Variants in AEN observed in about 807,000 individuals in gnomAD.
AEN encodes the protein apoptosis-enhancing nuclease.
In AEN, 21 loss-of-function variants were observed where a neutral mutation model predicts 17.7. That is an observed-to-expected ratio of 1.19 (90% CI 0.84 to 1.71). The LOEUF (loss-of-function observed/expected upper bound fraction) is 1.71, where lower values mean the gene tolerates loss of function less well. AEN is among the 40% of genes most tolerant of loss of function. The pLI, the probability that AEN is intolerant of heterozygous loss-of-function variation, is 0.00. For missense variants in AEN, 462 were observed against 435.9 expected (o/e 1.06, Z -0.53); for synonymous variants, 190 against 173.0 (o/e 1.10, Z -0.77).
chr15:88,613,305 C>T, the AEN span, among the ~76,000 whole-genome samples: 1 of 152,216 alleles, frequency 6.6e-6, no homozygotes, highest in African/African-American at 2.4e-5. Flanking sequence ...TCTTCTTCTG[C>T]ACTTCCAGTC....
intron 2 of AEN, chr15:88,628,129 G>C (rs1159944682): frequency 1.3e-5 from 2 of 152,162 alleles, no homozygotes; most frequent in African/African-American, 2.4e-5. Context: ...CCTGGTTGGT[G>C]GTGGTCCCAA....
At position 88,630,121 on chromosome 15, in the gene AEN, G is replaced by T; in HGVS notation, c.805G>T (p.Val269Leu). The T allele has an allele frequency of 6.2e-7, 1 of 1,613,960 alleles. No homozygotes were observed. The highest frequency in any genetic ancestry group is 1.3e-5 in the African/African-American group (1 of 75,048). The change falls in exon 4 of 4, where the codon GTG becomes TTG. Residue 269 changes from valine (V) to leucine (L), a missense_variant. Coordinates refer to ENST00000332810, the MANE Select transcript of AEN (RefSeq NM_022767.4). The surrounding 1 kb of genome is among the most constrained non-coding windows in gnomAD (Gnocchi z 5.1). ...GACAGCCATGGAGCTCTACCGGCTG[G>T]TGGAGGTGCAGTGGGAACAGCAGGA... ...ATTAMELYRL[V>L]EVQWEQQEAR...
chr15:88,618,889 C>T (rs1056130010), upstream of AEN, among the ~76,000 whole-genome samples: 2 of 152,156 alleles, frequency 1.3e-5, no homozygotes, highest in African/African-American at 2.4e-5. Context: ...TCACTGTAAC[C>T]TCTAACTCCT....
chr15:88,611,958 G>GC, the AEN span: 4 of 472,928 alleles, frequency 8.5e-6, no homozygotes, highest in Non-Finnish European at 1.7e-5. Flanking sequence ...AATGGGGGCA[G>GC]CCCCCCTTTT....
At chr15:88,629,507 C>A (rs2057900440) in intron 3 of AEN, 81 bp downstream of exon 3, 1 of 1,506,416 alleles carries the variant, frequency 6.6e-7, no homozygotes, top group South Asian at 1.2e-5. Flanking sequence ...AGGCTTTGGG[C>A]TGTGTCTCCA....
At chr15:88,617,657 C>T (rs927958616), upstream of AEN, among the ~76,000 whole-genome samples, 1 of 152,144 alleles carries the variant, frequency 6.6e-6, no homozygotes, top group Non-Finnish European at 1.5e-5. Flanking sequence ...CCCCCTAACC[C>T]CACCTCAACC....
rs1295540746 is a variant in AEN at position 88,630,170 on chromosome 15, C to G, written c.854C>G (p.Pro285Arg). 1 of 1,613,636 alleles carries G rather than the reference C, an allele frequency of 6.2e-7. No homozygotes were observed. Among genetic ancestry groups the G allele is most frequent in the Admixed American group, 1.7e-5 (1 of 59,932 alleles). ...QQEARSLWTC[P>R]EDREPDSSTD... ...GAGGCCCGCAGCCTCTGGACCTGCCCCGAGGACAGAGAACCTGACAGCAGC... is the reference window on the plus strand; with the variant it reads ...GAGGCCCGCAGCCTCTGGACCTGCCGCGAGGACAGAGAACCTGACAGCAGC... The change falls in exon 4 of 4, where the codon CCC (proline) becomes CGC (arginine). Residue 285 changes from proline (P) to arginine (R), a missense_variant. Physicochemically the swap from Pro to Arg is moderately radical, Grantham distance 103. Transcript: ENST00000332810. The surrounding 1 kb of genome is among the most constrained non-coding windows in gnomAD (Gnocchi z 5.1).
the AEN span, among the ~76,000 whole-genome samples, chr15:88,613,072 G>C: frequency 3.3e-5 from 5 of 152,196 alleles, no homozygotes; most frequent in Admixed American, 6.5e-5. Context: ...CAGCAGAGGA[G>C]ACTAAAGCAT....
intron 2 of AEN, 73 bp downstream of exon 2, chr15:88,626,822 A>G (rs1054461189): frequency 2.0e-6 from 3 of 1,496,264 alleles, no homozygotes; most frequent in African/African-American, 1.4e-5. Context: ...TTGAATCACC[A>G]CTTTGCTTCA....
chr15:88,628,997 CT>C, intron 2 of AEN: 1 of 533,346 alleles, frequency 1.9e-6, no homozygotes, highest in Non-Finnish European at 3.3e-6. Context: ...CAGTGTTTCC[CT>C]TTGACAGGTG....
rs928727568 is a variant in AEN at position 88,631,715 on chromosome 15, A to G, written c.*1421A>G. 6.6e-6 allele frequency: 1 copy of G among 152,158 alleles called. No homozygotes were observed. The highest frequency in any genetic ancestry group is 1.5e-5 in the Non-Finnish European group (1 of 68,416). 9.4% of individuals were successfully genotyped at this position (152,158 alleles called of 1,614,324 possible). On this transcript the variant is annotated 3_prime_UTR_variant, in exon 4 of 4. Coordinates refer to ENST00000332810, the MANE Select transcript of AEN (RefSeq NM_022767.4). The stretch of plus-strand genomic sequence containing the variant: ...GAGAATTTGTTGTAACTTCTTCAGG[A>G]TAACACCTGAGTCCACAGGCTGAGC...
Position 88,626,763 on chromosome 15 carries a change from TG to T in AEN, c.540+18del, listed in dbSNP as rs1175513740. On this transcript the variant is annotated intron_variant, in intron 2 of 3. Transcript: ENST00000332810. ...GCCCAGAAAGAGGTAAGGGCAGGGATGGGGACTTGTTTGGGAGGTGTGGTGG... is the reference window on the plus strand; with the variant it reads ...GCCCAGAAAGAGGTAAGGGCAGGGATGGGACTTGTTTGGGAGGTGTGGTGG... 1.9e-6 allele frequency: 3 copies of T among 1,598,086 alleles called. No individual in the cohort carries two copies. In the African/African-American group the frequency reaches 4.0e-5, roughly 21 times the overall value.
rs1490818224 is a variant in AEN at position 88,627,086 on chromosome 15, TC to T, written c.540+338del. 28 of 287,692 alleles carry T rather than the reference TC, an allele frequency of 9.7e-5. No homozygotes were observed. The East Asian group carries it at 2.2e-3, about 23-fold the overall frequency. The allele number at this position is 287,692 out of a possible 1,614,324, so 17.8% of individuals were successfully genotyped here. ...TGTAAAGCCCACAGTGGCATCACGT[TC>T]AGGTATGGATGTTTTGGCATATTTC... On this transcript the variant is annotated intron_variant, in intron 2 of 3. Coordinates refer to ENST00000332810, the MANE Select transcript of AEN (RefSeq NM_022767.4).
intron 1 of AEN, among the ~76,000 whole-genome samples, chr15:88,622,550 A>G (rs2057801203): frequency 6.6e-6 from 1 of 152,204 alleles, no homozygotes; most frequent in African/African-American, 2.4e-5. Context: ...TTTTACAAGA[A>G]AGGGCCATGA....
At chr15:88,622,284 A>C (rs1348921218) in intron 1 of AEN, among the ~76,000 whole-genome samples, 1 of 152,194 alleles carries the variant, frequency 6.6e-6, no homozygotes, top group African/African-American at 2.4e-5. Flanking sequence ...TCCTTGTTGA[A>C]AGGGTTGTTT....
rs937608973 is a variant in AEN at position 88,630,288 on chromosome 15, G to A, written c.972G>A (p.Arg324=). The A allele has an allele frequency of 6.3e-7, 1 of 1,578,446 alleles. No individual in the cohort carries two copies. Among genetic ancestry groups the A allele is most frequent in the Non-Finnish European group, 8.6e-7 (1 of 1,162,514 alleles). ...GAGCCAGGGAGGCACAGGACAGAAG[G>A]AATTGAGAAGGGGGCGGGGCTCCCT... ...RGGAREAQDR[R]N is the part of the protein sequence containing the mutation. The change falls in exon 4 of 4, where the codon AGG becomes AGA. Residue 324 remains arginine, a synonymous_variant. Transcript: ENST00000332810. The surrounding 1 kb of genome is among the most constrained non-coding windows in gnomAD (Gnocchi z 5.1).
the AEN span, among the ~76,000 whole-genome samples, chr15:88,612,761 A>G: frequency 1.3e-5 from 2 of 151,890 alleles, no homozygotes; most frequent in African/African-American, 4.8e-5. Flanking sequence ...CCACCAACTC[A>G]GCTAATTTTT....
At chr15:88,614,640 C>T in the AEN span, among the ~76,000 whole-genome samples, 1 of 152,256 alleles carries the variant, frequency 6.6e-6, no homozygotes, top group African/African-American at 2.4e-5. Flanking sequence ...CCCCACCCAT[C>T]GCAACTGCAG....
intron 1 of AEN, among the ~76,000 whole-genome samples, chr15:88,621,966 C>G (rs2057793656): frequency 6.6e-6 from 1 of 152,072 alleles, no homozygotes; most frequent in Non-Finnish European, 1.5e-5. Context: ...TGGTAATTAA[C>G]TACATTTGGG....
Sources: gnomAD v4.1 joint callset for allele counts (sites outside exome capture counted in the v4.1 genomes callset) on GRCh38, gnomAD v4.1.1 for gene constraint, Gnocchi (gnomAD v3.1) non-coding constraint, MANE v1.5 for transcripts, NCBI Gene and HGNC (gene_info 2026-07-23, HGNC 2026-07-21) for gene names.